NSUN4: variants seen among roughly 807,000 people sequenced by gnomAD.
The protein encoded by NSUN4 is 5-cytosine rRNA methyltransferase NSUN4.
In NSUN4, 31 loss-of-function variants were observed where a neutral mutation model predicts 43.8. The ratio of observed to expected loss-of-function variants is 0.71; its 90% CI spans 0.53 to 0.96. The LOEUF (loss-of-function observed/expected upper bound fraction) is 0.96, where lower values mean the gene tolerates loss of function less well. Ranked by LOEUF, NSUN4 falls within the 40% of genes least tolerant of loss-of-function variation. The pLI is 0.00. For missense variants in NSUN4, 439 were observed against 475.6 expected (o/e 0.92, Z 0.72); for synonymous variants, 167 against 184.1 (o/e 0.91, Z 0.75).
chr1:46,360,228 C>CAAAAAAAAAA lies in NSUN4; in HGVS notation c.754-463_754-454dup, dbSNP rs1240539714. Among the ~76,000 whole-genome samples the CAAAAAAAAAA allele has an allele frequency of 4.6e-4, 16 of 35,020 alleles. 1 individual carries two copies. The highest frequency in any genetic ancestry group is 2.0e-3 in the African/African-American group (12 of 5,856). The allele number at this position is 35,020 out of a possible 152,430, so 23.0% of individuals were successfully genotyped here. On this transcript the variant is annotated intron_variant, in intron 4 of 5. Coordinates refer to ENST00000474844, the MANE Select transcript of NSUN4 (RefSeq NM_199044.4). ...TGGGCGACAGAGCAAGACTCCATCT[C>CAAAAAAAAAA]AAAAAAAAAAAAAAAAAAAAAATAT...
Position 46,361,633 on chromosome 1 carries a change from C to G in NSUN4, c.942C>G (p.His314Gln). The part of the protein sequence containing the change: ...HVVYSTCSLS[H>Q]LQNEYVVQGA... ...TCTATTCTACCTGCTCACTCTCACA[C>G]TTACAGAACGAGTATGTGGTGCAAG... The change falls in exon 6 of 6, where the codon CAC (histidine) becomes CAG (glutamine). Residue 314 changes from histidine to glutamine, a missense_variant. Coordinates refer to ENST00000474844, the MANE Select transcript of NSUN4 (RefSeq NM_199044.4). 1.2e-6 allele frequency: 2 copies of G among 1,614,212 alleles called. No homozygotes were observed. The highest frequency in any genetic ancestry group is 1.7e-6 in the Non-Finnish European group (2 of 1,180,026).
rs887264027 is a variant in NSUN4, at chr1:46,361,992, G to A, written c.*146G>A. The A allele has an allele frequency of 4.0e-6, 3 of 747,984 alleles. No individual in the cohort carries two copies. The highest frequency in any genetic ancestry group is 2.8e-5 in the Admixed American group (1 of 35,184). 46.3% of individuals were successfully genotyped at this position (747,984 alleles called of 1,614,324 possible). ...TTTCTGCAGTTTTCGGCAATAAGAA[G>A]TAGAAGATTTGCTGTCCTGCTGTCC... On this transcript the variant is annotated 3_prime_UTR_variant, in exon 6 of 6. Transcript: ENST00000474844.
rs1663538611 is a variant in NSUN4 at position 46,358,334 on chromosome 1, G to A, written c.754-2370G>A. Among the ~76,000 whole-genome samples the A allele has an allele frequency of 1.3e-5, 2 of 151,114 alleles. 1 individual carries two copies. Among genetic ancestry groups the A allele is most frequent in the South Asian group, 4.2e-4 (2 of 4,790 alleles). ...TGGTCTCGAACTCCTTACCTCAGGT[G>A]ATCTGCCCGCCTCGGCCTCCCAAAG... On this transcript the variant is annotated intron_variant, in intron 4 of 5. Coordinates refer to ENST00000474844, the MANE Select transcript of NSUN4 (RefSeq NM_199044.4).
intron 3 of NSUN4, among the ~76,000 whole-genome samples, chr1:46,348,112 C>T (rs1029870141): frequency 5.9e-5 from 9 of 152,130 alleles, no homozygotes; most frequent in Non-Finnish European, 7.4e-5. Flanking sequence ...AATCTCCTGA[C>T]CTTGTGATCT....
At chr1:46,356,408 C>T (rs1435563843) in intron 4 of NSUN4, among the ~76,000 whole-genome samples, 1 of 151,816 alleles carries the variant, frequency 6.6e-6, no homozygotes, top group Non-Finnish European at 1.5e-5. Context: ...AATGCTACTT[C>T]AAGGCTGGGC....
chr1:46,346,856 G>A, intron 2 of NSUN4, 65 bp from the exon 3 acceptor site: 3 of 1,394,408 alleles, frequency 2.2e-6, no homozygotes, highest in Non-Finnish European at 3.0e-6. Flanking sequence ...TAGACTTGGT[G>A]GCCTAGACTC....
downstream of NSUN4, among the ~76,000 whole-genome samples, chr1:46,369,101 T>C (rs948282681): frequency 6.6e-6 from 1 of 152,216 alleles, no homozygotes; most frequent in African/African-American, 2.4e-5. Flanking sequence ...TCCCTTGTGC[T>C]TTCTTGCTAG....
At chr1:46,359,655 A>G (rs1489648141) in intron 4 of NSUN4, among the ~76,000 whole-genome samples, 1 of 149,434 alleles carries the variant, frequency 6.7e-6, no homozygotes, top group African/African-American at 2.5e-5. Context: ...AGTTCAAGCG[A>G]TTCTCCTGCC....
At chr1:46,347,437 C>T (rs914112103) in intron 3 of NSUN4, among the ~76,000 whole-genome samples, 1 of 152,034 alleles carries the variant, frequency 6.6e-6, no homozygotes, top group Admixed American at 6.6e-5. Flanking sequence ...AACCCTGTCT[C>T]ACACACACAC....
At chr1:46,369,767 G>A (rs1664207881), downstream of NSUN4, among the ~76,000 whole-genome samples, 1 of 152,200 alleles carries the variant, frequency 6.6e-6, no homozygotes, top group African/African-American at 2.4e-5. Context: ...ACACAAGGCT[G>A]GAGAAGCAGG....
the NSUN4 span, among the ~76,000 whole-genome samples, chr1:46,378,149 C>T: frequency 6.6e-6 from 1 of 151,920 alleles, no homozygotes; most frequent in Non-Finnish European, 1.5e-5. Context: ...TCCTCGGCCT[C>T]CCAAAGTGCT....
At chr1:46,359,921 G>A (rs1663692683) in intron 4 of NSUN4, among the ~76,000 whole-genome samples, 1 of 151,264 alleles carries the variant, frequency 6.6e-6, no homozygotes, top group Non-Finnish European at 1.5e-5. Context: ...ATAGCAAAAT[G>A]CTGTCCCTAC....
In NSUN4 at chr1:46,360,245, AAAAAATATAT is replaced by A. The variant is rs1282590190; in HGVS notation, c.754-457_754-448del. On this transcript the variant is annotated intron_variant, in intron 4 of 5. Coordinates refer to ENST00000474844, the MANE Select transcript of NSUN4 (RefSeq NM_199044.4). ...CTCCATCTCAAAAAAAAAAAAAAAA[AAAAAATATAT>A]ATATATATATATATATATATATGTA... Among the ~76,000 whole-genome samples, 144 of 45,578 alleles carry A rather than the reference AAAAAATATAT, an allele frequency of 3.2e-3. 1 individual carries two copies. The highest frequency in any genetic ancestry group is 6.0e-3 in the East Asian group (8 of 1,324). The allele number at this position is 45,578 out of a possible 152,430, so 29.9% of individuals were successfully genotyped here. A position where few individuals can be genotyped will look rare whatever the true frequency, so the allele number is the denominator to read the frequency against.
At chr1:46,371,017 C>T in the NSUN4 span, 2 of 152,522 alleles carry the variant, frequency 1.3e-5, no homozygotes, top group Admixed American at 1.3e-4. Flanking sequence ...CCCATTTTAA[C>T]AGAAGAAAAC....
In NSUN4 at chr1:46,361,916, G is replaced by C; in HGVS notation, c.*70G>C. 1.4e-6 allele frequency: 2 copies of C among 1,411,006 alleles called. No homozygotes were observed. Among genetic ancestry groups the C allele is most frequent in the Admixed American group, 2.1e-5 (1 of 47,308 alleles). The allele number at this position is 1,411,006 out of a possible 1,614,324, so 87.4% of individuals were successfully genotyped here. A position where few individuals can be genotyped will look rare whatever the true frequency, so the allele number is the denominator to read the frequency against. On this transcript the variant is annotated 3_prime_UTR_variant, in exon 6 of 6. Transcript: ENST00000474844. ...TGGATGCACCAGAAACTGGAAACTGGGACCAGTGGCAGAGATGCACTCTCG... is the reference window on the plus strand; with the variant it reads ...TGGATGCACCAGAAACTGGAAACTGCGACCAGTGGCAGAGATGCACTCTCG...
At chr1:46,351,906 C>T (rs1292822698) in intron 3 of NSUN4, among the ~76,000 whole-genome samples, 1 of 151,340 alleles carries the variant, frequency 6.6e-6, no homozygotes, top group East Asian at 2.0e-4. Context: ...CCTTGTGATC[C>T]GCCTGCCTTG....
At chr1:46,353,349 A>G (rs12385695) in intron 4 of NSUN4, among the ~76,000 whole-genome samples, 34,125 of 152,150 alleles carry the variant, frequency 0.22, 4,299 homozygotes, top group Non-Finnish European at 0.29. Context: ...AAGCTCATTT[A>G]TTTATTTTTG....
Position 46,343,785 on chromosome 1 carries a change from A to G in NSUN4, c.94-1016A>G. The stretch of plus-strand genomic sequence containing the variant: ...TCCCCAAATTAGCAGAGGTCAGGGC[A>G]AGAGCAAGAGTCTATGATGGCAAAA... On this transcript the variant is annotated intron_variant, in intron 1 of 5. Coordinates refer to ENST00000474844, the MANE Select transcript of NSUN4 (RefSeq NM_199044.4). The G allele has an allele frequency of 7.5e-6, 3 of 400,846 alleles. No homozygotes were observed. In the South Asian group the frequency reaches 3.8e-4, roughly 51 times the overall value. The allele number at this position is 400,846 out of a possible 1,614,324, so 24.8% of individuals were successfully genotyped here.
Position 46,352,938 on chromosome 1 carries a change from G to C in NSUN4, c.663G>C (p.Val221=). ...ARLQKILHSY[V]PEEIRDGNQV... ...TACAGAAGATCCTTCACAGCTATGT[G>C]CCTGAAGAGATCAGGGATGGAAATC... is the stretch of plus-strand genomic sequence containing the variant. Residue 221 remains valine, a synonymous_variant, in exon 4 of 6, where the codon GTG becomes GTC. Transcript: ENST00000474844. 1 of 1,613,958 alleles carries C rather than the reference G, an allele frequency of 6.2e-7. No individual in the cohort carries two copies. The highest frequency in any genetic ancestry group is 8.5e-7 in the Non-Finnish European group (1 of 1,179,796).
Sources: allele counts gnomAD v4.1 joint callset (sites outside exome capture counted in the v4.1 genomes callset), GRCh38; gene constraint gnomAD v4.1.1; transcripts MANE v1.5; gene names NCBI Gene and HGNC (gene_info 2026-07-23, HGNC 2026-07-21).